The following CUX1 variants were observed in gnomAD, a reference collection of about 807,000 sequenced individuals.
CUX1 encodes the protein cut like homeobox 1.
In CUX1, 31 loss-of-function variants were observed where a neutral mutation model predicts 158.8. That is an observed-to-expected ratio of 0.20 (90% confidence interval 0.15 to 0.26). The LOEUF is 0.26. Among genes scored for constraint, CUX1 ranks in the 10% least tolerant of loss-of-function variants. CUX1 has a pLI of 1.00. For synonymous variants in CUX1, 879 were observed against 862.1 expected (o/e 1.02, Z -0.34); for missense variants, 1,589 against 2,014.6 (o/e 0.79, Z 4.04).
intron 8 of CUX1, among the ~76,000 whole-genome samples, chr7:102,150,558 G>C (rs1835532935): frequency 6.6e-6 from 1 of 152,204 alleles, no homozygotes; most frequent in African/African-American, 2.4e-5. Context: ...TGTTTTAACA[G>C]CTCGTTTTAA....
At chr7:102,080,261 G>A (rs1423227573) in intron 4 of CUX1, among the ~76,000 whole-genome samples, 1 of 152,168 alleles carries the variant, frequency 6.6e-6, no homozygotes, top group Non-Finnish European at 1.5e-5. Context: ...GGAGAGGTGC[G>A]TCGTTTGTGC....
At chr7:102,144,929 A>C (rs1834864992) in intron 8 of CUX1, among the ~76,000 whole-genome samples, 2 of 151,760 alleles carry the variant, frequency 1.3e-5, no homozygotes, top group Admixed American at 1.3e-4. Context: ...CTCTACTAAA[A>C]ACACAAAAAT....
At chr7:101,924,101 G>T (rs1185672390) in intron 2 of CUX1, among the ~76,000 whole-genome samples, 2 of 152,114 alleles carry the variant, frequency 1.3e-5, no homozygotes, top group African/African-American at 4.8e-5. Context: ...TATTGATCAG[G>T]ATGCACTGTG....
At chr7:102,192,384 T>C (rs1794373367) in intron 12 of CUX1, among the ~76,000 whole-genome samples, 1 of 151,964 alleles carries the variant, frequency 6.6e-6, no homozygotes, top group Admixed American at 6.6e-5. Flanking sequence ...TTTCCTGGAG[T>C]ACGGACCAGG....
At chr7:102,193,381 A>C (rs782340809) in intron 12 of CUX1, among the ~76,000 whole-genome samples, 1 of 152,234 alleles carries the variant, frequency 6.6e-6, no homozygotes. Flanking sequence ...CTGCTAGTTG[A>C]ATAGTTATTC....
At chr7:101,926,270 C>A (rs1022218340) in intron 2 of CUX1, among the ~76,000 whole-genome samples, 1 of 152,164 alleles carries the variant, frequency 6.6e-6, no homozygotes, top group African/African-American at 2.4e-5. Context: ...TTAACTGTTA[C>A]CAATTAAACC....
At chr7:101,897,799 GT>G (rs1801676730) in intron 1 of CUX1, among the ~76,000 whole-genome samples, 1 of 152,128 alleles carries the variant, frequency 6.6e-6, no homozygotes, top group Non-Finnish European at 1.5e-5. Context: ...TAGTCTTAGG[GT>G]TTTGCTTATT....
intron 8 of CUX1, among the ~76,000 whole-genome samples, chr7:102,126,352 T>C (rs1370300873): frequency 2.6e-5 from 4 of 152,168 alleles, no homozygotes; most frequent in Non-Finnish European, 5.9e-5. Flanking sequence ...GACATTATTT[T>C]TAAGTACAAA....
chr7:102,278,136 A>T, intron 18 of CUX1: 1 of 1,175,096 alleles, frequency 8.5e-7, no homozygotes, highest in South Asian at 1.4e-5. Flanking sequence ...GGCTCTGGAG[A>T]TGGGAGGGTC....
At chr7:101,837,544 T>C (rs1017202427) in intron 1 of CUX1, among the ~76,000 whole-genome samples, 8 of 152,162 alleles carry the variant, frequency 5.3e-5, no homozygotes, top group Admixed American at 3.9e-4. Flanking sequence ...GTTACTGAAA[T>C]CTGGCTGGGT....
chr7:102,228,186 A>G (rs544449699), intron 21 of CUX1, among the ~76,000 whole-genome samples: 3 of 151,808 alleles, frequency 2.0e-5, no homozygotes, highest in Non-Finnish European at 2.9e-5. Context: ...CTTGGCCTCA[A>G]GCAATCTGCC....
chr7:102,088,287 C>T (rs116871569), intron 4 of CUX1, among the ~76,000 whole-genome samples: 5,369 of 152,246 alleles, frequency 0.035, 141 homozygotes, highest in Non-Finnish European at 0.055. Context: ...CGTGAGCCAC[C>T]GCGTCCAGCC....
intron 12 of CUX1, among the ~76,000 whole-genome samples, chr7:102,192,854 C>A (rs1418281629): frequency 1.3e-5 from 2 of 152,190 alleles, no homozygotes; most frequent in Non-Finnish European, 2.9e-5. Flanking sequence ...CACTTCCCCT[C>A]TTCTCCCTGG....
chr7:102,161,527 TAC>T (rs1563330450), intron 9 of CUX1, among the ~76,000 whole-genome samples: 1 of 152,102 alleles, frequency 6.6e-6, no homozygotes, highest in Non-Finnish European at 1.5e-5. Flanking sequence ...TTAATAGAAA[TAC>T]AGTTTCTAGA....
In CUX1 at chr7:101,953,965, G is replaced by C. The variant is rs115714937; in HGVS notation, c.141+37740G>C. Among the ~76,000 whole-genome samples, 1,042 of 152,284 alleles carry C rather than the reference G, an allele frequency of 6.8e-3. 11 individuals are homozygous for C. Among genetic ancestry groups the C allele is most frequent in the African/African-American group, 0.024 (987 of 41,554 alleles). ...GGTTCTGGAAGACCAAGTAAATTCAGTATCTTTTCAAATTGTAACCCTCTG... is the reference window on the plus strand; with the variant it reads ...GGTTCTGGAAGACCAAGTAAATTCACTATCTTTTCAAATTGTAACCCTCTG... On this transcript the variant is annotated intron_variant, in intron 2 of 23. Transcript: ENST00000292535.
At chr7:101,951,345 T>A (rs955903732) in intron 2 of CUX1, among the ~76,000 whole-genome samples, 2 of 151,048 alleles carry the variant, frequency 1.3e-5, no homozygotes, top group South Asian at 2.1e-4. Flanking sequence ...AAAAAAAAAA[T>A]TCCTTTAGCA....
chr7:102,282,798 C>T (rs1554549724), intron 22 of CUX1: 2 of 1,473,752 alleles, frequency 1.4e-6, no homozygotes, highest in South Asian at 2.3e-5. Context: ...CACTTGGGCC[C>T]CCCCTCAGCC....
chr7:102,257,528 G>GT lies in CUX1; in HGVS notation c.*8490dup, dbSNP rs1268626490. On this transcript the variant is annotated 3_prime_UTR_variant, in exon 24 of 24. Transcript: ENST00000292535. ...TAAAAGTGGGGGTAAAAAGAAGGTGGTTTTCCCCACATCCCTTTGCATTGA... is the reference window on the plus strand; with the variant it reads ...TAAAAGTGGGGGTAAAAAGAAGGTGGTTTTTCCCCACATCCCTTTGCATTGA... 2 of 985,212 alleles carry GT rather than the reference G, an allele frequency of 2.0e-6. No homozygotes were observed. The highest frequency in any genetic ancestry group is 6.2e-5 in the Admixed American group (1 of 16,250). The allele number at this position is 985,212 out of a possible 1,614,324, so 61.0% of individuals were successfully genotyped here. A position where few individuals can be genotyped will look rare whatever the true frequency, so the allele number is the denominator to read the frequency against.
At chr7:101,838,422 A>T (rs1373017036) in intron 1 of CUX1, among the ~76,000 whole-genome samples, 2 of 150,402 alleles carry the variant, frequency 1.3e-5, no homozygotes, top group Non-Finnish European at 3.0e-5. Context: ...GAGCCACCTC[A>T]CCTGGGCTCA....
Sources: allele counts gnomAD v4.1 joint callset (sites outside exome capture counted in the v4.1 genomes callset), GRCh38; gene constraint gnomAD v4.1.1; transcripts MANE v1.5; gene names NCBI Gene and HGNC (gene_info 2026-07-23, HGNC 2026-07-21).